Variants in CRPPA observed in about 807,000 individuals in gnomAD.
CRPPA encodes the protein D-ribitol-5-phosphate cytidylyltransferase.
In CRPPA, 43 loss-of-function variants were observed where a neutral mutation model predicts 52.0. The ratio of observed to expected loss-of-function variants is 0.83; its 90% CI spans 0.65 to 1.07. The LOEUF (loss-of-function observed/expected upper bound fraction) is 1.07, where lower values mean the gene tolerates loss of function less well. Among genes scored for constraint, CRPPA ranks in the 50% least tolerant of loss-of-function variants. The pLI is 0.00. For missense variants in CRPPA, 629 were observed against 551.7 expected (o/e 1.14, Z -1.40); for synonymous variants, 250 against 203.5 (o/e 1.23, Z -1.94).
intron 3 of CRPPA, among the ~76,000 whole-genome samples, chr7:16,331,736 A>G (rs1785557105): frequency 6.6e-6 from 1 of 152,224 alleles, no homozygotes; most frequent in Admixed American, 6.5e-5. Flanking sequence ...TCATTAGCAG[A>G]CTGAAAATGG....
chr7:16,192,885 G>C (rs372531672), intron 9 of CRPPA, among the ~76,000 whole-genome samples: 1 of 152,048 alleles, frequency 6.6e-6, no homozygotes, highest in African/African-American at 2.4e-5. Context: ...ATATGTGTGG[G>C]TCTATTTCTA....
In CRPPA at chr7:16,400,433, C is replaced by A. The variant is rs568549588; in HGVS notation, c.534+5628G>T. Among the ~76,000 whole-genome samples, 108 of 152,272 alleles carry A rather than the reference C, an allele frequency of 7.1e-4. No homozygotes were observed. The South Asian group carries it at 8.3e-3, about 12-fold the overall frequency. ...GACTAACAGGTGACTGACATATGAT[C>A]GACTTGTGATCAACACTTGTGTGAC... is the stretch of plus-strand genomic sequence containing the variant. On this transcript the variant is annotated intron_variant, in intron 2 of 9. Transcript: ENST00000407010.
intron 3 of CRPPA, among the ~76,000 whole-genome samples, chr7:16,325,726 C>G (rs1583520497): frequency 2.0e-5 from 3 of 152,060 alleles, no homozygotes; most frequent in African/African-American, 7.2e-5. Context: ...CATAATGGCT[C>G]ATCATCTGCT....
chr7:16,393,783 A>G (rs938082121), intron 2 of CRPPA, among the ~76,000 whole-genome samples: 1 of 152,138 alleles, frequency 6.6e-6, no homozygotes, highest in Non-Finnish European at 1.5e-5. Flanking sequence ...AGCATTCCGG[A>G]TGAAAGAAAA....
intron 9 of CRPPA, among the ~76,000 whole-genome samples, chr7:16,180,341 A>G (rs1045642372): frequency 1.3e-5 from 2 of 152,126 alleles, no homozygotes; most frequent in Non-Finnish European, 2.9e-5. Context: ...ATACTACACT[A>G]TATTTTCCAT....
intron 3 of CRPPA, among the ~76,000 whole-genome samples, chr7:16,368,847 G>A (rs1005794740): frequency 1.3e-5 from 2 of 152,094 alleles, no homozygotes; most frequent in African/African-American, 2.4e-5. Flanking sequence ...TAATTTTTCA[G>A]ATGAATTTCT....
At chr7:16,136,374 T>A (rs1044726681) in intron 9 of CRPPA, among the ~76,000 whole-genome samples, 1 of 152,194 alleles carries the variant, frequency 6.6e-6, no homozygotes, top group African/African-American at 2.4e-5. Flanking sequence ...TGTTTCAGTT[T>A]TGTGGATGAG....
chr7:16,293,458 A>G (rs369006604), intron 5 of CRPPA, among the ~76,000 whole-genome samples: 5 of 152,094 alleles, frequency 3.3e-5, no homozygotes, highest in South Asian at 2.1e-4. Flanking sequence ...AAATAATATT[A>G]AAGAGAATCA....
chr7:16,357,560 G>A (rs1367835454), intron 3 of CRPPA, among the ~76,000 whole-genome samples: 2 of 152,000 alleles, frequency 1.3e-5, no homozygotes, highest in Middle Eastern at 3.2e-3. Flanking sequence ...TCAATTCCCC[G>A]CTACCTTGGC....
At chr7:16,327,331 G>A (rs1158041167) in intron 3 of CRPPA, among the ~76,000 whole-genome samples, 2 of 152,086 alleles carry the variant, frequency 1.3e-5, no homozygotes, top group African/African-American at 2.4e-5. Context: ...GGTGGCTCAC[G>A]CCTGTAATCC....
At chr7:16,217,196 G>A (rs550894623) in intron 8 of CRPPA, among the ~76,000 whole-genome samples, 1 of 142,128 alleles carries the variant, frequency 7.0e-6, no homozygotes. Context: ...CACCTCACAC[G>A]GCAGGGTATT....
intron 1 of CRPPA, among the ~76,000 whole-genome samples, chr7:16,417,797 TAAAA>T (rs370966458): frequency 6.8e-6 from 1 of 146,516 alleles, no homozygotes; most frequent in Non-Finnish European, 1.5e-5. Context: ...GTTGAAGTTA[TAAAA>T]AAAAAAATCA....
At chr7:16,389,913 C>A (rs1470266533) in intron 2 of CRPPA, among the ~76,000 whole-genome samples, 35 of 34,306 alleles carry the variant, frequency 1.0e-3, no homozygotes, top group African/African-American at 2.0e-3. Flanking sequence ...GCCTAGTATA[C>A]AAAAAAAAAA....
At position 16,090,652 on chromosome 7, in the gene CRPPA, G is replaced by T. The variant is rs149771453; in HGVS notation, c.*1043C>A. The T allele has an allele frequency of 6.6e-6, 1 of 151,936 alleles. No homozygotes were observed. Among genetic ancestry groups the T allele is most frequent in the African/African-American group, 2.4e-5 (1 of 41,294 alleles). 9.4% of individuals were successfully genotyped at this position (151,936 alleles called of 1,614,324 possible). A position where few individuals can be genotyped will look rare whatever the true frequency, so the allele number is the denominator to read the frequency against. On this transcript the variant is annotated 3_prime_UTR_variant, in exon 10 of 10. Coordinates refer to ENST00000407010, the MANE Select transcript of CRPPA (RefSeq NM_001101426.4). ...GGAGGATAATTGCTTAAACCCAGGAGGCAGAGGTTGCAGTCAGCTGAGATT... is the reference window on the plus strand; with the variant it reads ...GGAGGATAATTGCTTAAACCCAGGATGCAGAGGTTGCAGTCAGCTGAGATT...
At chr7:16,211,578 T>TAA (rs367815130) in intron 9 of CRPPA, among the ~76,000 whole-genome samples, 9 of 151,024 alleles carry the variant, frequency 6.0e-5, no homozygotes, top group African/African-American at 2.2e-4. Flanking sequence ...ATGATTACCA[T>TAA]AAAAAAAAAC....
At chr7:16,339,948 T>C (rs545053127) in intron 3 of CRPPA, among the ~76,000 whole-genome samples, 1 of 152,078 alleles carries the variant, frequency 6.6e-6, no homozygotes, top group East Asian at 1.9e-4. Flanking sequence ...AGCCCAGAAA[T>C]AGACCCATAT....
chr7:16,339,658 C>G (rs1273866924), intron 3 of CRPPA, among the ~76,000 whole-genome samples: 1 of 152,162 alleles, frequency 6.6e-6, no homozygotes, highest in Non-Finnish European at 1.5e-5. Context: ...CCCCTTTCAC[C>G]ATTCCTTTTC....
intron 9 of CRPPA, among the ~76,000 whole-genome samples, chr7:16,162,570 A>T (rs1411375092): frequency 6.6e-6 from 1 of 152,104 alleles, no homozygotes; most frequent in Non-Finnish European, 1.5e-5. Flanking sequence ...ATTCTTTTGC[A>T]TTTGCTGAGG....
intron 1 of CRPPA, among the ~76,000 whole-genome samples, chr7:16,415,856 A>T (rs1303361435): frequency 6.6e-6 from 1 of 152,182 alleles, no homozygotes; most frequent in African/African-American, 2.4e-5. Flanking sequence ...TAGAGGCAAG[A>T]CTAGCCATGT....
Sources: allele counts gnomAD v4.1 joint callset (sites outside exome capture counted in the v4.1 genomes callset), GRCh38; gene constraint gnomAD v4.1.1; transcripts MANE v1.5; gene names NCBI Gene and HGNC (gene_info 2026-07-23, HGNC 2026-07-21).